The following TENM4 variants were observed in gnomAD, a reference collection of about 807,000 sequenced individuals.
TENM4 encodes teneurin transmembrane protein 4.
Under a neutral mutation model 243.3 loss-of-function variants are expected in TENM4, and 82 were observed. The ratio of observed to expected loss-of-function variants is 0.34; its 90% confidence interval spans 0.28 to 0.40. TENM4 has a LOEUF of 0.40. Among genes scored for constraint, TENM4 ranks in the 10% least tolerant of loss-of-function variants. TENM4 has a pLI of 1.00. For missense variants in TENM4, 3,138 were observed against 3,673.3 expected (o/e 0.85, Z 3.77); for synonymous variants, 1,412 against 1,456.3 (o/e 0.97, Z 0.69).
intron 1 of TENM4, among the ~76,000 whole-genome samples, chr11:79,423,230 G>T (rs982753254): frequency 1.8e-4 from 27 of 152,158 alleles, no homozygotes; most frequent in African/African-American, 6.0e-4. Flanking sequence ...CAGGCACCCT[G>T]CCAGATCCTT....
intron 4 of TENM4, chr11:79,093,739 A>C (rs1254003554): frequency 1.3e-5 from 2 of 152,198 alleles, no homozygotes; most frequent in Non-Finnish European, 2.9e-5. Flanking sequence ...TCATAGGTGC[A>C]AATCTCATCC....
intron 1 of TENM4, among the ~76,000 whole-genome samples, chr11:79,421,433 A>G (rs1000017237): frequency 2.8e-4 from 42 of 152,356 alleles, no homozygotes; most frequent in African/African-American, 9.9e-4. Context: ...ATCAAAATAC[A>G]GCTGTTATTA....
At chr11:78,769,302 T>C (rs1282174448) in intron 18 of TENM4, among the ~76,000 whole-genome samples, 1 of 152,222 alleles carries the variant, frequency 6.6e-6, no homozygotes, top group Non-Finnish European at 1.5e-5. Flanking sequence ...CTTAGTGCCC[T>C]TCCCTGCTTT....
Position 78,805,377 on chromosome 11 carries a change from G to A in TENM4, c.2094C>T (p.Asp698=), listed in dbSNP as rs1402017825. The change falls in exon 15 of 34, where the codon GAC becomes GAT. Residue 698 remains aspartate, a synonymous_variant. Coordinates refer to ENST00000278550, the MANE Select transcript of TENM4 (RefSeq NM_001098816.3). ...NCETPRATCL[D]QCSGHGTFLP... The stretch of plus-strand genomic sequence containing the variant: ...GGAAGGTTCCGTGGCCTGAACACTG[G>A]TCTAAGCATGTGGCCCTGGGGGTCT... The A allele has an allele frequency of 6.2e-7, 1 of 1,608,114 alleles. No homozygotes were observed. Among genetic ancestry groups the A allele is most frequent in the South Asian group, 1.1e-5 (1 of 89,632 alleles).
chr11:79,059,218 C>G (rs1353539511), intron 6 of TENM4, among the ~76,000 whole-genome samples: 2 of 152,132 alleles, frequency 1.3e-5, no homozygotes, highest in Admixed American at 6.5e-5. Context: ...CTTAATTTGC[C>G]TCTGGGATTA....
At chr11:79,207,806 C>T (rs955095013) in intron 3 of TENM4, among the ~76,000 whole-genome samples, 2 of 135,958 alleles carry the variant, frequency 1.5e-5, no homozygotes, top group African/African-American at 2.8e-5. Flanking sequence ...GCAGAGGTTG[C>T]AGTGAACAGA....
intron 1 of TENM4, among the ~76,000 whole-genome samples, chr11:79,357,120 A>G (rs529532441): frequency 1.5e-4 from 23 of 152,284 alleles, no homozygotes; most frequent in Middle Eastern, 3.4e-3. Flanking sequence ...CACATTCCAC[A>G]TGGTGCGAGA....
chr11:79,398,931 G>A (rs1316594791), intron 1 of TENM4, among the ~76,000 whole-genome samples: 1 of 151,842 alleles, frequency 6.6e-6, no homozygotes, highest in Non-Finnish European at 1.5e-5. Flanking sequence ...TTGGCTAAGT[G>A]GACACAGTGA....
intron 6 of TENM4, among the ~76,000 whole-genome samples, chr11:78,914,430 C>T (rs1336421385): frequency 1.3e-5 from 2 of 152,170 alleles, no homozygotes; most frequent in Non-Finnish European, 1.5e-5. Flanking sequence ...CTGGAGCAGA[C>T]AGCAGTTAAG....
chr11:78,866,610 G>A lies in TENM4; in HGVS notation c.1085-3478C>T, dbSNP rs144867359. Among the ~76,000 whole-genome samples the A allele has an allele frequency of 6.8e-3, 1,041 of 152,172 alleles. 3 individuals carry two copies. The highest frequency in any genetic ancestry group is 0.02 in the Middle Eastern group (6 of 294). ...ACAGTTATGAGGGTGGGGGAGACAT[G>A]GGGGGAGGGGTGTTGGCACCCCTTC... On this transcript the variant is annotated intron_variant, in intron 9 of 33. Coordinates refer to ENST00000278550, the MANE Select transcript of TENM4 (RefSeq NM_001098816.3).
chr11:79,413,571 C>T (rs974591573), intron 1 of TENM4, among the ~76,000 whole-genome samples: 10 of 152,268 alleles, frequency 6.6e-5, no homozygotes, highest in African/African-American at 2.4e-4. Flanking sequence ...GGTTGTTTCA[C>T]TCTAATTTGC....
chr11:79,143,842 C>T (rs1203096290), intron 4 of TENM4, among the ~76,000 whole-genome samples: 1 of 151,658 alleles, frequency 6.6e-6, no homozygotes, highest in Non-Finnish European at 1.5e-5. Flanking sequence ...AACTAGGAAA[C>T]TACTAAAAGA....
chr11:79,418,308 G>A (rs944329663), intron 1 of TENM4, among the ~76,000 whole-genome samples: 1 of 152,096 alleles, frequency 6.6e-6, no homozygotes, highest in Non-Finnish European at 1.5e-5. Context: ...TCTCTGTGGG[G>A]ATTTCTTATC....
intron 9 of TENM4, among the ~76,000 whole-genome samples, chr11:78,871,915 A>G (rs1252414072): frequency 6.6e-6 from 1 of 152,222 alleles, no homozygotes; most frequent in Non-Finnish European, 1.5e-5. Context: ...GCTCCTACTT[A>G]TTAAAATTTT....
rs374049624 is a variant in TENM4 at position 78,856,048 on chromosome 11, C to T, written c.1386G>A (p.Val462=). The T allele has an allele frequency of 1.5e-5, 24 of 1,551,728 alleles. No individual in the cohort carries two copies. The highest frequency in any genetic ancestry group is 2.0e-5 in the Non-Finnish European group (23 of 1,147,010). ...WRSQVFIDHP[V]HLKFNVSLGK... is the part of the protein sequence containing the mutation. ...CCAGAGACACATTGAATTTCAGATG[C>T]ACAGGATGGTCTATGAACACTTGAG... Residue 462 remains valine, a synonymous_variant, in exon 11 of 34, where the codon GTG becomes GTA. Transcript: ENST00000278550.
At position 79,440,676 on chromosome 11, in the gene TENM4, G is replaced by C. The variant is rs996438302; in HGVS notation, c.-488C>G. On this transcript the variant is annotated 5_prime_UTR_variant, in exon 1 of 34. Transcript: ENST00000278550. The surrounding 1 kb of genome is among the most constrained non-coding windows in gnomAD (Gnocchi z 4.7). ...TCCGGGCTCTGCGCTCAGCTCCAGC[G>C]AGACCAACAATAGCTCCCGCGGGGA... 6.6e-6 allele frequency: 1 copy of C among 152,024 alleles called. No homozygotes were observed. Among genetic ancestry groups the C allele is most frequent in the Non-Finnish European group, 1.5e-5 (1 of 67,990 alleles). 9.4% of individuals were successfully genotyped at this position (152,024 alleles called of 1,614,324 possible).
chr11:78,903,447 G>C lies in TENM4; in HGVS notation c.570C>G (p.Asn190Lys), dbSNP rs1301678738. ...PPPLSHAHTP[N>K]QHHAASINSL... ...AGTTAATGGAGGCCGCGTGGTGCTG[G>C]TTGGGGGTGTGGGCGTGCGAGAGCG... is the stretch of plus-strand genomic sequence containing the variant. Residue 190 changes from asparagine (N) to lysine (K), a missense_variant, in exon 7 of 34, where the codon AAC (asparagine) becomes AAG (lysine). Around this residue, in one of 2 missense-constraint regions of TENM4, gnomAD observed 671 missense variants for 614.1 expected, o/e 1.09. Transcript: ENST00000278550. 6.5e-7 allele frequency: 1 copy of C among 1,548,902 alleles called. No homozygotes were observed.
At chr11:79,378,904 A>G (rs1441569925) in intron 1 of TENM4, among the ~76,000 whole-genome samples, 1 of 149,574 alleles carries the variant, frequency 6.7e-6, no homozygotes, top group Non-Finnish European at 1.5e-5. Flanking sequence ...AAAAAAAAAA[A>G]GGAAAGAAAG....
intron 3 of TENM4, among the ~76,000 whole-genome samples, chr11:79,210,605 C>T (rs992848825): frequency 1.2e-4 from 19 of 152,260 alleles, no homozygotes; most frequent in African/African-American, 4.6e-4. Flanking sequence ...AGTTTGAATC[C>T]CAGCTCTGGC....
Sources: allele counts gnomAD v4.1 joint callset (sites outside exome capture counted in the v4.1 genomes callset), GRCh38; gene constraint gnomAD v4.1.1; regional missense constraint gnomAD v4.1.1; non-coding constraint Gnocchi (gnomAD v3.1); transcripts MANE v1.5; gene names NCBI Gene and HGNC (gene_info 2026-07-23, HGNC 2026-07-21).